The following GPD1L variants were observed in gnomAD, a reference collection of about 807,000 sequenced individuals.
GPD1L encodes the protein glycerol-3-phosphate dehydrogenase 1 like, also known as glycerol-3-phosphate dehydrogenase 1-like protein.
GPD1L carries 17 observed loss-of-function variants against 32.9 expected under a neutral mutation model. The observed-to-expected ratio is 0.52, with a 90% CI of 0.35 to 0.78. The LOEUF (loss-of-function observed/expected upper bound fraction) is 0.78, where lower values mean the gene tolerates loss of function less well. GPD1L is among the 30% of genes least tolerant of loss of function. The pLI is 0.01. For missense variants in GPD1L, 361 were observed against 447.8 expected (o/e 0.81, Z 1.75); for synonymous variants, 187 against 165.9 (o/e 1.13, Z -0.98).
intron 1 of GPD1L, among the ~76,000 whole-genome samples, chr3:32,109,336 T>C (rs2125465974): frequency 6.6e-6 from 1 of 152,344 alleles, no homozygotes; most frequent in East Asian, 1.9e-4. Flanking sequence ...AGCTCTGCCA[T>C]GCTGGAACTG....
chr3:32,128,009 A>G (rs1700536371), intron 1 of GPD1L, 67 bp from the exon 2 acceptor site: 6 of 1,120,378 alleles, frequency 5.4e-6, no homozygotes, highest in Non-Finnish European at 6.7e-6. Context: ...TCTGAATTTT[A>G]ATCAAACGCT....
At chr3:32,122,053 G>A (rs1220672983) in intron 1 of GPD1L, among the ~76,000 whole-genome samples, 2 of 152,130 alleles carry the variant, frequency 1.3e-5, no homozygotes, top group Admixed American at 6.5e-5. Context: ...ACAGGCGTGA[G>A]CCACCGTGCG....
chr3:32,145,915 A>G (rs977746375), intron 4 of GPD1L, among the ~76,000 whole-genome samples: 2 of 152,154 alleles, frequency 1.3e-5, no homozygotes, highest in Non-Finnish European at 2.9e-5. Context: ...AAAGTAGAGT[A>G]GTATCACGAA....
intron 7 of GPD1L, among the ~76,000 whole-genome samples, chr3:32,161,559 C>T (rs565480898): frequency 1.3e-5 from 2 of 152,172 alleles, no homozygotes; most frequent in Non-Finnish European, 2.9e-5. Context: ...CAAGTGGCAT[C>T]TTGAAACACA....
intron 7 of GPD1L, among the ~76,000 whole-genome samples, chr3:32,163,326 G>A (rs1701098956): frequency 1.3e-5 from 2 of 151,798 alleles, no homozygotes. Flanking sequence ...CCGCCACCAC[G>A]CCCAGCTAAG....
At chr3:32,157,355 C>T (rs1296591176) in intron 5 of GPD1L, among the ~76,000 whole-genome samples, 1 of 152,074 alleles carries the variant, frequency 6.6e-6, no homozygotes, top group East Asian at 1.9e-4. Flanking sequence ...TCCATCCCCT[C>T]TGCCTTTTGA....
rs79849515 is a variant in GPD1L at position 32,134,236 on chromosome 3, C to T, written c.226-4351C>T. Among the ~76,000 whole-genome samples the T allele has an allele frequency of 0.024, 3,602 of 152,284 alleles. 294 individuals are homozygous for T. In the East Asian group the frequency reaches 0.25, roughly 11 times the overall value. On this transcript the variant is annotated intron_variant, in intron 2 of 7. Transcript: ENST00000282541. ...ACATGATCTCATTAGCTGATAAGAA[C>T]TTGTTCTGATACGGTGTAAGAGGAA...
At chr3:32,108,994 C>T (rs1700208064) in intron 1 of GPD1L, among the ~76,000 whole-genome samples, 1 of 152,210 alleles carries the variant, frequency 6.6e-6, no homozygotes, top group Non-Finnish European at 1.5e-5. Flanking sequence ...GGACTACAGG[C>T]ATCCGCCACC....
At chr3:32,108,233 A>G (rs1337623554) in intron 1 of GPD1L, among the ~76,000 whole-genome samples, 1 of 152,176 alleles carries the variant, frequency 6.6e-6, no homozygotes, top group Non-Finnish European at 1.5e-5. Context: ...AAAAAATAAA[A>G]TATTAGTCGG....
rs1701152359 is a variant in GPD1L at position 32,166,708 on chromosome 3, C to CA, written c.*800dup. ...AACATCACAGATCCACTGGGGGGTG[C>CA]AAGGGGCTACTGTTAGTCCTCTTGT... On this transcript the variant is annotated 3_prime_UTR_variant, in exon 8 of 8. Coordinates refer to ENST00000282541, the MANE Select transcript of GPD1L (RefSeq NM_015141.4). 6.6e-6 allele frequency: 1 copy of CA among 152,610 alleles called. No homozygotes were observed. The highest frequency in any genetic ancestry group is 6.5e-5 in the Admixed American group (1 of 15,306). The allele number at this position is 152,610 out of a possible 1,614,324, so 9.5% of individuals were successfully genotyped here.
intron 5 of GPD1L, among the ~76,000 whole-genome samples, chr3:32,149,973 T>G (rs1700888881): frequency 6.6e-6 from 1 of 151,532 alleles, no homozygotes. Flanking sequence ...ATGTAATTCA[T>G]GTAATCAAAC....
chr3:32,111,593 G>C (rs1467261123), intron 1 of GPD1L, among the ~76,000 whole-genome samples: 1 of 152,158 alleles, frequency 6.6e-6, no homozygotes, highest in Non-Finnish European at 1.5e-5. Context: ...AAATGGACTG[G>C]TTTGGGGTTT....
At chr3:32,153,254 A>C (rs1289541990) in intron 5 of GPD1L, among the ~76,000 whole-genome samples, 1 of 152,216 alleles carries the variant, frequency 6.6e-6, no homozygotes, top group African/African-American at 2.4e-5. Context: ...CCTTTATGTG[A>C]GTGAGAGCAA....
At chr3:32,120,209 T>C (rs1336409494) in intron 1 of GPD1L, among the ~76,000 whole-genome samples, 4 of 152,026 alleles carry the variant, frequency 2.6e-5, no homozygotes, top group African/African-American at 9.7e-5. Context: ...TCCCAGCTAC[T>C]GGGGAGCCTG....
chr3:32,146,895 C>T (rs1700838572), intron 5 of GPD1L, among the ~76,000 whole-genome samples, 161 bp downstream of exon 5: 1 of 152,164 alleles, frequency 6.6e-6, no homozygotes, highest in Non-Finnish European at 1.5e-5. Context: ...GCAGCCTTTC[C>T]CGGGTGGTTC....
chr3:32,167,716 G>A lies in GPD1L; in HGVS notation c.*1806G>A, dbSNP rs1011740406. On this transcript the variant is annotated 3_prime_UTR_variant, in exon 8 of 8. Coordinates refer to ENST00000282541, the MANE Select transcript of GPD1L (RefSeq NM_015141.4). ...ATTCCTAGAATTTAAGTTACTTTGTGAGATTTGGGCCTGTCCCTCAATGCC... is the reference window on the plus strand; with the variant it reads ...ATTCCTAGAATTTAAGTTACTTTGTAAGATTTGGGCCTGTCCCTCAATGCC... 2 of 152,568 alleles carry A rather than the reference G, an allele frequency of 1.3e-5. No individual in the cohort carries two copies. The highest frequency in any genetic ancestry group is 3.8e-4 in the East Asian group (2 of 5,204). 9.5% of individuals were successfully genotyped at this position (152,568 alleles called of 1,614,324 possible). A position where few individuals can be genotyped will look rare whatever the true frequency, so the allele number is the denominator to read the frequency against.
intron 5 of GPD1L, among the ~76,000 whole-genome samples, chr3:32,156,699 T>C (rs1267384023): frequency 6.6e-6 from 1 of 152,178 alleles, no homozygotes; most frequent in Non-Finnish European, 1.5e-5. Context: ...CTGTTTGTCA[T>C]GGTGAGCCCG....
intron 1 of GPD1L, among the ~76,000 whole-genome samples, chr3:32,114,460 T>C (rs1457795505): frequency 6.6e-6 from 1 of 152,230 alleles, no homozygotes. Context: ...TGACATACAA[T>C]TTTATATTAT....
chr3:32,106,902 G>T lies in GPD1L; in HGVS notation c.47+144G>T, dbSNP rs1190694540. ...GGGTGGGCGACCTCGTTGCTGGGCT[G>T]GGCACCGTGCGCCCGAGGAGGCCGC... On this transcript the variant is annotated intron_variant, in intron 1 of 7. Coordinates refer to ENST00000282541, the MANE Select transcript of GPD1L (RefSeq NM_015141.4). This position sits in a 1 kb window ranked among gnomAD's most constrained non-coding sequence, Gnocchi z 4.0. 2.9e-6 allele frequency: 2 copies of T among 686,700 alleles called. No homozygotes were observed. Among genetic ancestry groups the T allele is most frequent in the South Asian group, 5.2e-5 (1 of 19,162 alleles). 42.5% of individuals were successfully genotyped at this position (686,700 alleles called of 1,614,324 possible).
Sources: gnomAD v4.1 joint callset for allele counts (sites outside exome capture counted in the v4.1 genomes callset) on GRCh38, gnomAD v4.1.1 for gene constraint, Gnocchi (gnomAD v3.1) non-coding constraint, MANE v1.5 for transcripts, NCBI Gene and HGNC (gene_info 2026-07-23, HGNC 2026-07-21) for gene names.